Variants in CSNK1G1 observed in about 807,000 individuals in gnomAD.
The protein encoded by CSNK1G1 is casein kinase I isoform gamma-1.
CSNK1G1 carries 22 observed loss-of-function variants against 59.6 expected under a neutral mutation model. That is an observed-to-expected ratio of 0.37 (90% CI 0.26 to 0.53). The LOEUF (loss-of-function observed/expected upper bound fraction) is 0.53, where lower values mean the gene tolerates loss of function less well. Among genes scored for constraint, CSNK1G1 ranks in the 20% least tolerant of loss-of-function variants. CSNK1G1 has a pLI of 0.89. For missense variants in CSNK1G1, 384 were observed against 519.5 expected, an observed-to-expected ratio of 0.74 and a Z score of 2.54; for synonymous variants, 179 against 177.1, an observed-to-expected ratio of 1.01 and a Z score of -0.08.
At chr15:64,308,220 C>T (rs1467278353) in intron 1 of CSNK1G1, among the ~76,000 whole-genome samples, 1 of 152,092 alleles carries the variant, frequency 6.6e-6, no homozygotes, top group Non-Finnish European at 1.5e-5. Context: ...AACAACTAAT[C>T]TCAATTTCAT....
chr15:64,177,410 C>T (rs1175257809), intron 11 of CSNK1G1, among the ~76,000 whole-genome samples: 7 of 152,164 alleles, frequency 4.6e-5, no homozygotes, highest in Admixed American at 1.3e-4. Flanking sequence ...TGCCCCCACA[C>T]GCAAAGGCCA....
At chr15:64,313,558 C>T (rs1486078133) in intron 1 of CSNK1G1, among the ~76,000 whole-genome samples, 1 of 151,986 alleles carries the variant, frequency 6.6e-6, no homozygotes, top group Non-Finnish European at 1.5e-5. Flanking sequence ...AATGAGAACA[C>T]ATGGACACAG....
In CSNK1G1 at chr15:64,259,249, G is replaced by T; in HGVS notation, c.182-8C>A. 1 of 1,585,772 alleles carries T rather than the reference G, an allele frequency of 6.3e-7. No individual in the cohort carries two copies. Among genetic ancestry groups the T allele is most frequent in the South Asian group, 1.1e-5 (1 of 87,626 alleles). ...TGGTGTAGAGATTTTTACCTAAGAG[G>T]AAAGCAGAATGTATATGTTTTAGTG... On this transcript the variant is annotated splice_polypyrimidine_tract_variant and splice_region_variant and intron_variant, in intron 2 of 11. Transcript: ENST00000303052.
At chr15:64,300,770 A>G in intron 1 of CSNK1G1, 47 bp from the exon 2 acceptor site, 4 of 1,144,566 alleles carry the variant, frequency 3.5e-6, no homozygotes, top group Non-Finnish European at 4.4e-6. Context: ...AAATTTTGAA[A>G]CAAATTCAGA....
rs555752067 is a variant in CSNK1G1 at position 64,171,506 on chromosome 15, C to T, written c.*425G>A. 4.7e-5 allele frequency: 8 copies of T among 170,810 alleles called. No homozygotes were observed. Among genetic ancestry groups the T allele is most frequent in the Admixed American group, 1.1e-4 (2 of 17,478 alleles). The allele number at this position is 170,810 out of a possible 1,614,324, so 10.6% of individuals were successfully genotyped here. On this transcript the variant is annotated 3_prime_UTR_variant, in exon 12 of 12. Coordinates refer to ENST00000303052, the MANE Select transcript of CSNK1G1 (RefSeq NM_022048.5). The surrounding 1 kb of genome is among the most constrained non-coding windows in gnomAD (Gnocchi z 4.8). The stretch of plus-strand genomic sequence containing the variant: ...ACCTTCTTGGCCTTACCCCCAGCCT[C>T]TTGATCTCCTTCTGCAGACAAAGCC...
chr15:64,277,638 A>G (rs559966297), intron 2 of CSNK1G1, among the ~76,000 whole-genome samples: 1,954 of 128,146 alleles, frequency 0.015, 33 homozygotes, highest in Non-Finnish European at 0.021. Flanking sequence ...TATTAATATT[A>G]ATATATTTAA....
At chr15:64,180,516 C>T (rs2081798883) in intron 10 of CSNK1G1, 62 bp from the exon 11 acceptor site, 2 of 1,334,526 alleles carry the variant, frequency 1.5e-6, no homozygotes, top group Admixed American at 1.7e-5. Flanking sequence ...CTTGCCAGCG[C>T]CAGACAGGGT....
intron 2 of CSNK1G1, among the ~76,000 whole-genome samples, chr15:64,276,211 T>C (rs1302462780): frequency 6.6e-6 from 1 of 152,204 alleles, no homozygotes; most frequent in East Asian, 1.9e-4. Context: ...CAAGGGCCTA[T>C]GCTTTACAAA....
chr15:64,189,836 T>G (rs2081947032), intron 10 of CSNK1G1, among the ~76,000 whole-genome samples: 2 of 138,128 alleles, frequency 1.4e-5, no homozygotes, highest in Admixed American at 1.4e-4. Context: ...TTTTTTTTTT[T>G]GAGACGGAGT....
intron 2 of CSNK1G1, among the ~76,000 whole-genome samples, chr15:64,264,851 T>C (rs961675124): frequency 4.6e-5 from 7 of 152,154 alleles, no homozygotes; most frequent in African/African-American, 1.4e-4. Context: ...CTCAATAAAT[T>C]AGGCATAAAA....
At chr15:64,242,912 C>A (rs1375169827) in intron 4 of CSNK1G1, among the ~76,000 whole-genome samples, 1 of 152,026 alleles carries the variant, frequency 6.6e-6, no homozygotes. Context: ...TCCAGGGATG[C>A]AAGAATGATT....
intron 1 of CSNK1G1, among the ~76,000 whole-genome samples, chr15:64,326,643 CAAA>C (rs780561572): frequency 7.2e-6 from 1 of 138,070 alleles, no homozygotes. Context: ...AACTCTGTAT[CAAA>C]AAAAAAAAAA....
chr15:64,297,875 G>T (rs1895113822), intron 2 of CSNK1G1, among the ~76,000 whole-genome samples: 1 of 152,090 alleles, frequency 6.6e-6, no homozygotes. Context: ...GCTAATATTA[G>T]AACAAGAAAA....
chr15:64,223,085 T>C (rs2082412055), intron 4 of CSNK1G1, among the ~76,000 whole-genome samples: 1 of 152,202 alleles, frequency 6.6e-6, no homozygotes, highest in Admixed American at 6.5e-5. Flanking sequence ...CCATGCAAGT[T>C]CTACTCTGAG....
intron 4 of CSNK1G1, among the ~76,000 whole-genome samples, chr15:64,251,184 A>G (rs577710859): frequency 6.6e-6 from 1 of 152,318 alleles, no homozygotes; most frequent in East Asian, 1.9e-4. Context: ...CAAATTACCA[A>G]CATTTCCTCC....
In CSNK1G1 at chr15:64,188,909, C is replaced by T. The variant is rs1350313049; in HGVS notation, c.1108-8455G>A. On this transcript the variant is annotated intron_variant, in intron 10 of 11. Transcript: ENST00000303052. This position sits in a 1 kb window ranked among gnomAD's most constrained non-coding sequence, Gnocchi z 4.2. Reference sequence around the variant, plus strand: ...TTGGGAGGCCAAGGTGGGCGGATCACGAGGTCTGGAGTTCGAGACCAGCCT... The same window carrying T: ...TTGGGAGGCCAAGGTGGGCGGATCATGAGGTCTGGAGTTCGAGACCAGCCT... Among the ~76,000 whole-genome samples the T allele has an allele frequency of 1.3e-5, 2 of 152,104 alleles. No homozygotes were observed. Among genetic ancestry groups the T allele is most frequent in the African/African-American group, 4.8e-5 (2 of 41,428 alleles).
chr15:64,270,177 T>G (rs945634596), intron 2 of CSNK1G1, among the ~76,000 whole-genome samples: 1 of 152,242 alleles, frequency 6.6e-6, no homozygotes, highest in African/African-American at 2.4e-5. Context: ...TTGTGTTTAC[T>G]TGGATCTTCT....
intron 10 of CSNK1G1, among the ~76,000 whole-genome samples, chr15:64,201,750 G>GTGTGTGTGTGT (rs747607584): frequency 9.4e-6 from 1 of 106,318 alleles, no homozygotes; most frequent in African/African-American, 4.2e-5. Context: ...GTGTGTGTGT[G>GTGTGTGTGTGT]TTTATATACT....
chr15:64,321,201 C>G (rs1016019613), intron 1 of CSNK1G1, among the ~76,000 whole-genome samples: 1 of 150,194 alleles, frequency 6.7e-6, no homozygotes, highest in African/African-American at 2.4e-5. Flanking sequence ...GAGCATCACA[C>G]AAAATAACAG....
Sources: gnomAD v4.1 joint callset for allele counts (sites outside exome capture counted in the v4.1 genomes callset) on GRCh38, gnomAD v4.1.1 for gene constraint, Gnocchi (gnomAD v3.1) non-coding constraint, MANE v1.5 for transcripts, NCBI Gene and HGNC (gene_info 2026-07-23, HGNC 2026-07-21) for gene names.